BABAM2: variants seen among roughly 807,000 people sequenced by gnomAD.
BABAM2 encodes the protein BRISC and BRCA1 A complex member 2.
BABAM2 carries 31 observed loss-of-function variants against 54.7 expected under a neutral mutation model. The ratio of observed to expected loss-of-function variants is 0.57; its 90% CI spans 0.43 to 0.77. BABAM2 has a LOEUF of 0.77. Ranked by LOEUF, BABAM2 falls within the 30% of genes least tolerant of loss-of-function variation. BABAM2 has a pLI of 0.00. For missense variants in BABAM2, 364 were observed against 455.8 expected, an observed-to-expected ratio of 0.80 and a Z score of 1.83; for synonymous variants, 167 against 162.9, an observed-to-expected ratio of 1.03 and a Z score of -0.19.
At chr2:28,014,031 C>T (rs189880648) in intron 4 of BABAM2, among the ~76,000 whole-genome samples, 121 of 152,132 alleles carry the variant, frequency 8.0e-4, no homozygotes, top group Non-Finnish European at 1.5e-3. Context: ...AAAACAAAAA[C>T]TGAAAGGAAA....
At chr2:27,908,531 T>C (rs1393202130) in intron 2 of BABAM2, among the ~76,000 whole-genome samples, 2 of 152,096 alleles carry the variant, frequency 1.3e-5, no homozygotes, top group Non-Finnish European at 2.9e-5. Context: ...CCTTGGCCTC[T>C]CAAAGTGCTG....
chr2:27,961,649 C>T (rs1160802604), intron 3 of BABAM2, among the ~76,000 whole-genome samples: 1 of 151,706 alleles, frequency 6.6e-6, no homozygotes, highest in African/African-American at 2.4e-5. Flanking sequence ...TCTTCTATGC[C>T]TTGACCCAGT....
chr2:28,234,580 A>G (rs991374337), intron 7 of BABAM2, among the ~76,000 whole-genome samples: 1 of 152,220 alleles, frequency 6.6e-6, no homozygotes, highest in African/African-American at 2.4e-5. Context: ...ACTCCAGGGA[A>G]GCATCCAGCT....
chr2:28,163,439 G>T (rs1212514705), intron 7 of BABAM2, among the ~76,000 whole-genome samples: 6 of 152,158 alleles, frequency 3.9e-5, no homozygotes, highest in Non-Finnish European at 8.8e-5. Flanking sequence ...GGGAGAAAAA[G>T]AACATTTTTC....
At chr2:28,029,858 G>A (rs892283272) in intron 5 of BABAM2, among the ~76,000 whole-genome samples, 2 of 152,142 alleles carry the variant, frequency 1.3e-5, no homozygotes, top group Admixed American at 6.6e-5. Flanking sequence ...GTTTTGAAAT[G>A]TTAATATGTT....
At chr2:28,318,378 C>T (rs1034262062) in intron 11 of BABAM2, among the ~76,000 whole-genome samples, 6 of 152,202 alleles carry the variant, frequency 3.9e-5, no homozygotes, top group African/African-American at 1.4e-4. Context: ...TGTTATCACT[C>T]CAAGGCCAGA....
At chr2:28,062,352 C>CA (rs776348957) in intron 6 of BABAM2, among the ~76,000 whole-genome samples, 2 of 151,244 alleles carry the variant, frequency 1.3e-5, no homozygotes, top group Non-Finnish European at 2.9e-5. Context: ...ATCATGAGGT[C>CA]AGGAGATAGA....
chr2:28,025,299 AC>A lies in BABAM2; in HGVS notation c.376del (p.Gln126AsnfsTer50), dbSNP rs1346136313. The A allele has an allele frequency of 6.2e-7, 1 of 1,612,834 alleles. No homozygotes were observed. Among genetic ancestry groups the A allele is most frequent in the Admixed American group, 1.7e-5 (1 of 59,670 alleles). Reference sequence around the variant, plus strand: ...GTGAAGGAACTTGTGCAACAATATCACCAATTCCAATGTAGCCGCCTCCGGG... The same window carrying A: ...GTGAAGGAACTTGTGCAACAATATCACAATTCCAATGTAGCCGCCTCCGGG... Reference protein sequence around the residue: ...LVVKELVQQYHQFQCSRLRES... With the variant: ...LVVKELVQQYXQFQCSRLRES... On this transcript the variant is annotated frameshift_variant, in exon 5 of 12. Transcript: ENST00000379624. LOFTEE classifies it high-confidence loss of function.
At chr2:28,126,969 C>T (rs369427230) in intron 6 of BABAM2, among the ~76,000 whole-genome samples, 6,131 of 150,170 alleles carry the variant, frequency 0.041, 129 homozygotes, top group Non-Finnish European at 0.051. Context: ...TCATGTCCTT[C>T]GCCCACTTTT....
chr2:28,119,176 T>C (rs1164423251), intron 6 of BABAM2, among the ~76,000 whole-genome samples: 1 of 152,234 alleles, frequency 6.6e-6, no homozygotes, highest in Admixed American at 6.5e-5. Context: ...AGCTTTGTTC[T>C]TTTTGCTTAG....
chr2:28,151,175 C>T (rs1671997879), intron 7 of BABAM2, among the ~76,000 whole-genome samples: 1 of 152,198 alleles, frequency 6.6e-6, no homozygotes, highest in Admixed American at 6.5e-5. Flanking sequence ...AGATACTATA[C>T]CTGCAGCTCT....
chr2:27,894,873 T>C (rs1234991788), intron 2 of BABAM2, 189 bp downstream of exon 2: 1 of 603,228 alleles, frequency 1.7e-6, no homozygotes, highest in Non-Finnish European at 2.7e-6. Context: ...ATTTTATTTG[T>C]GTTGTGGACC....
chr2:28,064,137 T>C (rs1679126795), intron 6 of BABAM2, among the ~76,000 whole-genome samples: 1 of 152,246 alleles, frequency 6.6e-6, no homozygotes, highest in Admixed American at 6.5e-5. Flanking sequence ...TGCTTATTTT[T>C]TGACAGGAAC....
intron 5 of BABAM2, among the ~76,000 whole-genome samples, chr2:28,039,863 C>T (rs1425177837): frequency 6.6e-6 from 1 of 152,046 alleles, no homozygotes; most frequent in Non-Finnish European, 1.5e-5. Context: ...GGGGAAATTG[C>T]CATTAAGACA....
Position 27,913,085 on chromosome 2 carries a change from A to C in BABAM2, c.129-16747A>C, listed in dbSNP as rs377440014. Among the ~76,000 whole-genome samples, 74 of 152,320 alleles carry C rather than the reference A, an allele frequency of 4.9e-4. 1 individual carries two copies. The East Asian group carries it at 7.5e-3, about 15-fold the overall frequency. Reference sequence around the variant, plus strand: ...TTTTCAAACTCTTTGATGGAAGAACAGATTAAAAAAAATGTAGCTGGTCAC... The same window carrying C: ...TTTTCAAACTCTTTGATGGAAGAACCGATTAAAAAAAATGTAGCTGGTCAC... On this transcript the variant is annotated intron_variant, in intron 2 of 11. Coordinates refer to ENST00000379624, the MANE Select transcript of BABAM2 (RefSeq NM_199191.3).
intron 4 of BABAM2, among the ~76,000 whole-genome samples, chr2:27,989,382 A>G (rs1258727700): frequency 6.6e-6 from 1 of 152,176 alleles, no homozygotes; most frequent in African/African-American, 2.4e-5. Context: ...TGAAGAATGG[A>G]ACAAAAGTGG....
At chr2:28,296,278 T>G (rs1687687805) in intron 10 of BABAM2, among the ~76,000 whole-genome samples, 2 of 152,260 alleles carry the variant, frequency 1.3e-5, no homozygotes, top group South Asian at 4.1e-4. Flanking sequence ...AATTGAATTA[T>G]TGATTTTAAT....
chr2:28,160,526 A>G (rs1202055328), intron 7 of BABAM2, among the ~76,000 whole-genome samples: 1 of 152,100 alleles, frequency 6.6e-6, no homozygotes, highest in Non-Finnish European at 1.5e-5. Context: ...CCACACATTC[A>G]CATACTTGTG....
intron 7 of BABAM2, among the ~76,000 whole-genome samples, chr2:28,218,842 CATTT>C (rs1262866439): frequency 3.3e-5 from 5 of 152,100 alleles, no homozygotes; most frequent in African/African-American, 7.2e-5. Flanking sequence ...GAGCTTTCCT[CATTT>C]ATTTATTTAT....
Sources: allele counts gnomAD v4.1 joint callset (sites outside exome capture counted in the v4.1 genomes callset), GRCh38; gene constraint gnomAD v4.1.1; transcripts MANE v1.5; gene names NCBI Gene and HGNC (gene_info 2026-07-23, HGNC 2026-07-21).